The following CREBBP variants were observed in gnomAD, a reference collection of about 807,000 sequenced individuals.
CREBBP encodes the protein CREB binding lysine acetyltransferase.
CREBBP carries 19 observed loss-of-function variants against 265.0 expected under a neutral mutation model. That is an observed-to-expected ratio of 0.07 (90% CI 0.05 to 0.11). The LOEUF is 0.11. Ranked by LOEUF, CREBBP falls within the 10% of genes least tolerant of loss-of-function variation. The pLI, the probability that CREBBP is intolerant of heterozygous loss-of-function variation, is 1.00. For synonymous variants in CREBBP, 1,457 were observed against 1,223.7 expected, an observed-to-expected ratio of 1.19 and a Z score of -3.98; for missense variants, 2,525 against 3,219.0, an observed-to-expected ratio of 0.78 and a Z score of 5.22.
intron 2 of CREBBP, among the ~76,000 whole-genome samples, chr16:3,843,712 G>A (rs933209936): frequency 9.9e-5 from 15 of 151,932 alleles, no homozygotes; most frequent in Admixed American, 7.2e-4. Flanking sequence ...GAGCCACCAC[G>A]CCCGGCACTA....
chr16:3,773,049 G>A (rs540508235), intron 13 of CREBBP, among the ~76,000 whole-genome samples: 1 of 151,900 alleles, frequency 6.6e-6, no homozygotes, highest in East Asian at 1.9e-4. Context: ...TTGTACCACT[G>A]CACTCCAGTC....
At chr16:3,768,142 T>TTG (rs2052907183) in intron 15 of CREBBP, among the ~76,000 whole-genome samples, 3 of 97,378 alleles carry the variant, frequency 3.1e-5, no homozygotes, top group Non-Finnish European at 5.7e-5. Flanking sequence ...AAGTGTTTTT[T>TTG]TTTTTTTTTT....
At chr16:3,740,262 A>AG (rs754655634) in intron 24 of CREBBP, 137 bp downstream of exon 24, 1 of 961,554 alleles carries the variant, frequency 1.0e-6, no homozygotes. Flanking sequence ...ACCGCAGCTG[A>AG]GGGGGCTACT....
intron 1 of CREBBP, among the ~76,000 whole-genome samples, chr16:3,864,783 G>A (rs1031548692): frequency 1.3e-5 from 2 of 152,192 alleles, no homozygotes; most frequent in South Asian, 4.1e-4. Flanking sequence ...AAGAATATCC[G>A]TGGCTGGGCA....
intron 20 of CREBBP, among the ~76,000 whole-genome samples, chr16:3,750,923 T>G (rs970393906): frequency 1.3e-5 from 2 of 152,188 alleles, no homozygotes; most frequent in Non-Finnish European, 2.9e-5. Context: ...TGGGGATACC[T>G]GGTTTCTCAG....
At chr16:3,804,060 G>A (rs543851833) in intron 3 of CREBBP, among the ~76,000 whole-genome samples, 5 of 151,806 alleles carry the variant, frequency 3.3e-5, no homozygotes, top group African/African-American at 1.2e-4. Context: ...CTCCAAATGG[G>A]GTGACAGTGA....
chr16:3,745,485 G>T, intron 21 of CREBBP, 131 bp from the exon 22 acceptor site: 2 of 764,056 alleles, frequency 2.6e-6, no homozygotes, highest in South Asian at 2.9e-5. Context: ...TAATGCGTGT[G>T]TTGGCTGATT....
chr16:3,808,281 A>C (rs2053871152), intron 3 of CREBBP, among the ~76,000 whole-genome samples: 1 of 152,236 alleles, frequency 6.6e-6, no homozygotes, highest in African/African-American at 2.4e-5. Flanking sequence ...ATTACTCTCC[A>C]GTTCTCCAGA....
At chr16:3,745,514 C>A in intron 21 of CREBBP, 160 bp from the exon 22 acceptor site, 1 of 695,642 alleles carries the variant, frequency 1.4e-6, no homozygotes, top group South Asian at 1.5e-5. Flanking sequence ...TTTTACAATG[C>A]ATCCGTATGA....
intron 3 of CREBBP, among the ~76,000 whole-genome samples, chr16:3,804,255 T>C (rs1257151237): frequency 2.0e-5 from 3 of 152,126 alleles, no homozygotes; most frequent in Non-Finnish European, 4.4e-5. Context: ...AACTTAAAGT[T>C]TTTAGAATAC....
At chr16:3,836,495 A>G (rs2054455395) in intron 2 of CREBBP, among the ~76,000 whole-genome samples, 1 of 151,716 alleles carries the variant, frequency 6.6e-6, no homozygotes, top group Non-Finnish European at 1.5e-5. Flanking sequence ...TCGGGGGATG[A>G]GTGGGGACAG....
Position 3,729,428 on chromosome 16 carries a change from G to A in CREBBP, c.5619C>T (p.Asn1873=). The change falls in exon 31 of 31, where the codon AAC becomes AAT. Residue 1873 remains asparagine, a synonymous_variant. Coordinates refer to ENST00000262367, the MANE Select transcript of CREBBP (RefSeq NM_004380.3). ...QLMRRRMATM[N]TRNVPQQSLP... is the part of the protein sequence containing the mutation. Reference sequence around the variant, plus strand: ...GACTCTGCTGAGGCACGTTGCGGGTGTTCATGGTGGCCATCCGCCGGCGCA... The same window carrying A: ...GACTCTGCTGAGGCACGTTGCGGGTATTCATGGTGGCCATCCGCCGGCGCA... 2 of 1,613,880 alleles carry A rather than the reference G, an allele frequency of 1.2e-6. No homozygotes were observed. The highest frequency in any genetic ancestry group is 1.7e-6 in the Non-Finnish European group (2 of 1,179,996).
chr16:3,820,731 G>A (rs1002653592), intron 2 of CREBBP, among the ~76,000 whole-genome samples: 1 of 152,186 alleles, frequency 6.6e-6, no homozygotes, highest in Non-Finnish European at 1.5e-5. Context: ...GTGACGGCGT[G>A]TGCTTGTAGT....
At chr16:3,769,097 G>A (rs1253603833) in intron 15 of CREBBP, 77 bp downstream of exon 15, 1 of 1,533,576 alleles carries the variant, frequency 6.5e-7, no homozygotes, top group East Asian at 2.3e-5. Context: ...ACCCATGGCA[G>A]GCTCCAAGCC....
At chr16:3,761,519 C>T (rs769644882) in intron 16 of CREBBP, 12 of 518,254 alleles carry the variant, frequency 2.3e-5, no homozygotes, top group Non-Finnish European at 3.1e-5. Context: ...TGAAAACAGG[C>T]GCACCAAGAA....
chr16:3,851,992 C>T (rs1395963243), intron 1 of CREBBP, among the ~76,000 whole-genome samples: 4 of 111,392 alleles, frequency 3.6e-5, no homozygotes, highest in African/African-American at 1.0e-4. Context: ...GAGCTGAGAT[C>T]GTGCCACTGC....
chr16:3,835,519 T>C (rs558669180), intron 2 of CREBBP, among the ~76,000 whole-genome samples: 2 of 150,740 alleles, frequency 1.3e-5, no homozygotes, highest in Non-Finnish European at 3.0e-5. Context: ...CTAAGAGAAA[T>C]GAAAACTTCT....
At chr16:3,873,444 A>T (rs994397773) in intron 1 of CREBBP, among the ~76,000 whole-genome samples, 1 of 152,196 alleles carries the variant, frequency 6.6e-6, no homozygotes, top group East Asian at 1.9e-4. Flanking sequence ...GTGCCTGCAC[A>T]CTGGTTTCTG....
chr16:3,791,898 C>A, intron 5 of CREBBP, 83 bp downstream of exon 5: 3 of 1,191,838 alleles, frequency 2.5e-6, no homozygotes, highest in Non-Finnish European at 3.8e-6. Flanking sequence ...AACCCCTGCC[C>A]ACTCCCTACC....
Sources: allele counts gnomAD v4.1 joint callset (sites outside exome capture counted in the v4.1 genomes callset), GRCh38; gene constraint gnomAD v4.1.1; transcripts MANE v1.5; gene names NCBI Gene and HGNC (gene_info 2026-07-23, HGNC 2026-07-21).